The following MYOM2 variants were observed in gnomAD, a reference collection of about 807,000 sequenced individuals.
MYOM2 encodes the protein myomesin-2.
Under a neutral mutation model 187.6 loss-of-function variants are expected in MYOM2, and 254 were observed. The observed-to-expected ratio is 1.35, with a 90% CI of 1.22 to 1.50. The LOEUF is 1.50. Ranked by LOEUF, MYOM2 falls within the 40% of genes most tolerant of loss-of-function variation. MYOM2 has a pLI of 0.00. For missense variants in MYOM2, 2,796 were observed against 1,924.0 expected, an observed-to-expected ratio of 1.45 and a Z score of -8.48; for synonymous variants, 981 against 753.8, an observed-to-expected ratio of 1.30 and a Z score of -4.94.
chr8:2,114,797 T>G (rs183694609), intron 25 of MYOM2, among the ~76,000 whole-genome samples: 11 of 152,256 alleles, frequency 7.2e-5, no homozygotes, highest in African/African-American at 2.6e-4. Context: ...TCTTTTTATT[T>G]TTTTGAGACA....
At chr8:2,109,308 A>G (rs1320096295) in intron 24 of MYOM2, 87 bp from the exon 25 acceptor site, 5 of 1,383,108 alleles carry the variant, frequency 3.6e-6, no homozygotes, top group Non-Finnish European at 4.9e-6. Context: ...TCTAATAACT[A>G]GGATTGATAT....
chr8:2,138,196 C>G (rs562121458), intron 32 of MYOM2, among the ~76,000 whole-genome samples: 8 of 152,182 alleles, frequency 5.3e-5, no homozygotes, highest in African/African-American at 1.7e-4. Flanking sequence ...TCTGGCAAGT[C>G]CGTGTTGCCT....
chr8:2,061,495 T>C lies in MYOM2; in HGVS notation c.653+2250T>C, dbSNP rs145073207. ...CTTCCCTTCCTCCTGTTCCCGACTC[T>C]ACCTGGGGCGGTGGCTTCAGCCAGC... On this transcript the variant is annotated intron_variant, in intron 6 of 36. Transcript: ENST00000262113. Among the ~76,000 whole-genome samples, 538 of 152,284 alleles carry C rather than the reference T, an allele frequency of 3.5e-3. 2 individuals carry two copies. The highest frequency in any genetic ancestry group is 0.013 in the African/African-American group (527 of 41,570).
In MYOM2 at chr8:2,116,116, C is replaced by G. The variant is rs370562424; in HGVS notation, c.3325+12C>G. 2 of 1,548,578 alleles carry G rather than the reference C, an allele frequency of 1.3e-6. No homozygotes were observed. Among genetic ancestry groups the G allele is most frequent in the East Asian group, 4.8e-5 (2 of 42,082 alleles). On this transcript the variant is annotated intron_variant, in intron 26 of 36. Coordinates refer to ENST00000262113, the MANE Select transcript of MYOM2 (RefSeq NM_003970.4). ...TCTTATTGGAGATGGTATGCTATAT[C>G]GAATATTTCCACGTCCATACAAGAT...
In MYOM2 at chr8:2,130,212, C is replaced by T. The variant is rs993025727; in HGVS notation, c.3800+980C>T. ...GCGCCCACACCCCGCCTTTAGTTAA[C>T]GCCCGTCAGTACCGTATACCCAGGG... On this transcript the variant is annotated intron_variant, in intron 32 of 36. Coordinates refer to ENST00000262113, the MANE Select transcript of MYOM2 (RefSeq NM_003970.4). Among the ~76,000 whole-genome samples, 12 of 145,150 alleles carry T rather than the reference C, an allele frequency of 8.3e-5. 1 individual carries two copies. Among genetic ancestry groups the T allele is most frequent in the African/African-American group, 3.2e-4 (12 of 37,034 alleles).
At chr8:2,069,245 C>G in intron 6 of MYOM2, 33 bp from the exon 7 acceptor site, 1 of 1,594,900 alleles carries the variant, frequency 6.3e-7, no homozygotes. Context: ...CACAACAGTC[C>G]CGCAGACTTT....
chr8:2,103,512 G>C (rs553802748), intron 21 of MYOM2, among the ~76,000 whole-genome samples: 1 of 150,708 alleles, frequency 6.6e-6, no homozygotes, highest in African/African-American at 2.4e-5. Context: ...GAGTGGGAGA[G>C]TGTGCATGTA....
At chr8:2,110,709 A>T (rs755674599) in intron 25 of MYOM2, among the ~76,000 whole-genome samples, 1 of 152,204 alleles carries the variant, frequency 6.6e-6, no homozygotes, top group Non-Finnish European at 1.5e-5. Context: ...GAACTGTGGG[A>T]TGCAGGAGCC....
In MYOM2 at chr8:2,069,474, G is replaced by A. The variant is rs141286372; in HGVS notation, c.770G>A (p.Arg257His). Residue 257 changes from arginine (R) to histidine (H), a missense_variant, in exon 8 of 37, where the codon CGT (arginine) becomes CAT (histidine). Arg to His is a conservative substitution (Grantham distance 29). Transcript: ENST00000262113. ...RRFRGDEEPF[R>H]SVGLPIGLPL... ...TTCCGGGGAGACGAGGAACCATTCCGTTCGGTGGGACTCCCGATTGGATGT... is the reference window on the plus strand; with the variant it reads ...TTCCGGGGAGACGAGGAACCATTCCATTCGGTGGGACTCCCGATTGGATGT... 2.5e-5 allele frequency: 41 copies of A among 1,614,192 alleles called. No individual in the cohort carries two copies. In the Middle Eastern group the frequency reaches 4.9e-4, roughly 19 times the overall value.
Position 2,096,323 on chromosome 8 carries a change from G to A in MYOM2, c.2202G>A (p.Pro734=), listed in dbSNP as rs372383174. The change falls in exon 18 of 37, where the codon CCG becomes CCA. Residue 734 remains proline (P), a synonymous_variant. Transcript: ENST00000262113. ...CCATGACCCTCGGCTGGAAGGTCCC[G>A]AAATTCAGTGGTGGCTCGCCCATCC... ...GHSMTLGWKV[P]KFSGGSPILG... is the part of the protein sequence containing the mutation. 222 of 1,614,086 alleles carry A rather than the reference G, an allele frequency of 1.4e-4. No individual in the cohort carries two copies. Among genetic ancestry groups the A allele is most frequent in the Middle Eastern group, 3.3e-4 (2 of 6,082 alleles).
chr8:2,068,004 G>A (rs1819073316), intron 6 of MYOM2, among the ~76,000 whole-genome samples: 1 of 152,126 alleles, frequency 6.6e-6, no homozygotes, highest in African/African-American at 2.4e-5. Flanking sequence ...AACCCTCTGT[G>A]TACGCCAGGT....
At chr8:2,084,208 C>A (rs1030188391) in intron 13 of MYOM2, among the ~76,000 whole-genome samples, 1 of 152,202 alleles carries the variant, frequency 6.6e-6, no homozygotes, top group African/African-American at 2.4e-5. Flanking sequence ...TCCCCCGCCC[C>A]AGTTACCCTC....
At chr8:2,137,190 G>A (rs187133414) in intron 32 of MYOM2, among the ~76,000 whole-genome samples, 108 of 151,616 alleles carry the variant, frequency 7.1e-4, no homozygotes, top group Non-Finnish European at 1.2e-3. Flanking sequence ...TGAGTTAATG[G>A]TGATCAAGAA....
intron 11 of MYOM2, among the ~76,000 whole-genome samples, chr8:2,077,291 A>T (rs6997793): frequency 2.0e-5 from 3 of 152,064 alleles, no homozygotes; most frequent in African/African-American, 7.3e-5. Context: ...GCCTGGCAAC[A>T]CAGTGAGACT....
intron 23 of MYOM2, among the ~76,000 whole-genome samples, chr8:2,108,539 C>A (rs945885523): frequency 2.6e-4 from 39 of 152,100 alleles, no homozygotes; most frequent in African/African-American, 9.2e-4. Flanking sequence ...ACCCCTGCCC[C>A]CAATTCCTTT....
rs1818758773 is a variant in MYOM2, at chr8:2,058,865, T to A, written c.561-288T>A. On this transcript the variant is annotated intron_variant, in intron 5 of 36. Transcript: ENST00000262113. ...GGTCCGGGATCCAGCACCCAGTGTT[T>A]CTTATGGAATGACAAGTCCTGAATT... Among the ~76,000 whole-genome samples, 3 of 152,322 alleles carry A rather than the reference T, an allele frequency of 2.0e-5. No individual in the cohort carries two copies. In the South Asian group the frequency reaches 6.2e-4, roughly 32 times the overall value.
chr8:2,144,644 C>T lies in MYOM2; in HGVS notation c.4081-20C>T, dbSNP rs751488142. 6.2e-7 allele frequency: 1 copy of T among 1,610,552 alleles called. No individual in the cohort carries two copies. Among genetic ancestry groups the T allele is most frequent in the East Asian group, 2.2e-5 (1 of 44,858 alleles). On this transcript the variant is annotated intron_variant, in intron 36 of 36. Coordinates refer to ENST00000262113, the MANE Select transcript of MYOM2 (RefSeq NM_003970.4). ...CCTTTTTCTAACTCTTCCTTCTCCACCAACCTCTTCCGTCCAAAGACCTTG... is the reference window on the plus strand; with the variant it reads ...CCTTTTTCTAACTCTTCCTTCTCCATCAACCTCTTCCGTCCAAAGACCTTG...
At chr8:2,070,898 C>T (rs757969087) in intron 8 of MYOM2, among the ~76,000 whole-genome samples, 135 of 152,132 alleles carry the variant, frequency 8.9e-4, no homozygotes, top group Non-Finnish European at 1.6e-3. Context: ...ATGGAAGCAG[C>T]CAGTGCTGCT....
intron 6 of MYOM2, among the ~76,000 whole-genome samples, chr8:2,067,852 C>A (rs1384252880): frequency 1.3e-5 from 2 of 152,042 alleles, no homozygotes; most frequent in African/African-American, 4.8e-5. Context: ...TGATTCATGT[C>A]TTGGGATCAT....
Sources: allele counts gnomAD v4.1 joint callset (sites outside exome capture counted in the v4.1 genomes callset), GRCh38; gene constraint gnomAD v4.1.1; transcripts MANE v1.5; gene names NCBI Gene and HGNC (gene_info 2026-07-23, HGNC 2026-07-21).